Variants in LINGO2 observed in about 807,000 individuals in gnomAD.
LINGO2 encodes leucine rich repeat and Ig domain containing 2.
Under a neutral mutation model 30.6 loss-of-function variants are expected in LINGO2, and 14 were observed. The ratio of observed to expected loss-of-function variants is 0.46; its 90% confidence interval spans 0.30 to 0.72. LINGO2 has a LOEUF of 0.72. LINGO2 is among the 30% of genes least tolerant of loss of function. The pLI, the probability that LINGO2 is intolerant of heterozygous loss-of-function variation, is 0.07. For synonymous variants in LINGO2, 317 were observed against 288.5 expected (o/e 1.10, Z -1.00); for missense variants, 729 against 751.7 (o/e 0.97, Z 0.35).
chr9:28,541,825 C>T (rs1821711877), intron 1 of LINGO2, among the ~76,000 whole-genome samples: 1 of 152,080 alleles, frequency 6.6e-6, no homozygotes, highest in African/African-American at 2.4e-5. Flanking sequence ...AGAGCTGAAT[C>T]TTGATTAGAG....
Position 28,308,162 on chromosome 9 carries a change from G to C in LINGO2, c.-245-12796C>G, listed in dbSNP as rs373516215. ...AAAAGAACAAAGCTGGAGGCATCACGCTACCTGACTTCAAAGTATACTACA... is the reference window on the plus strand; with the variant it reads ...AAAAGAACAAAGCTGGAGGCATCACCCTACCTGACTTCAAAGTATACTACA... On this transcript the variant is annotated intron_variant, in intron 3 of 5. Coordinates refer to ENST00000379992, the Ensembl canonical transcript of LINGO2. 4.8e-4 allele frequency among the ~76,000 whole-genome samples: 58 copies of C among 121,234 alleles called. 5 individuals are homozygous for C. The highest frequency in any genetic ancestry group is 1.5e-3 in the African/African-American group (56 of 37,456). 79.5% of individuals were successfully genotyped at this position (121,234 alleles called of 152,430 possible). A position where few individuals can be genotyped will look rare whatever the true frequency, so the allele number is the denominator to read the frequency against.
At chr9:28,810,414 A>G in the LINGO2 span, among the ~76,000 whole-genome samples, 772 of 152,314 alleles carry the variant, frequency 5.1e-3, 8 homozygotes, top group African/African-American at 0.018. Context: ...AAACGAAGTT[A>G]TAAAATGATT....
chr9:29,116,550 T>C, the LINGO2 span, among the ~76,000 whole-genome samples: 13 of 152,156 alleles, frequency 8.5e-5, no homozygotes, highest in African/African-American at 3.1e-4. Context: ...ATCTTTACTT[T>C]AAAATGGTGA....
At chr9:28,215,642 T>C (rs545841934) in intron 4 of LINGO2, among the ~76,000 whole-genome samples, 2 of 150,624 alleles carry the variant, frequency 1.3e-5, no homozygotes, top group South Asian at 4.2e-4. Flanking sequence ...TCAAGGGTTG[T>C]GCATGTGTCT....
At chr9:28,062,016 C>T (rs10968320) in intron 4 of LINGO2, among the ~76,000 whole-genome samples, 35,899 of 151,962 alleles carry the variant, frequency 0.24, 4,496 homozygotes, top group East Asian at 0.41. Flanking sequence ...TAGAGGTATT[C>T]TGTCTCATTG....
At chr9:28,497,515 C>T (rs1038746009) in intron 1 of LINGO2, among the ~76,000 whole-genome samples, 3 of 152,170 alleles carry the variant, frequency 2.0e-5, no homozygotes, top group Non-Finnish European at 4.4e-5. Flanking sequence ...TTCATCAGGT[C>T]ATTTAAGAAC....
At chr9:28,489,674 A>G (rs1826310348) in intron 1 of LINGO2, among the ~76,000 whole-genome samples, 1 of 151,836 alleles carries the variant, frequency 6.6e-6, no homozygotes, top group Admixed American at 6.6e-5. Context: ...CGAGGCAGGC[A>G]GATTATGAGG....
At chr9:28,134,201 A>G (rs1031946764) in intron 4 of LINGO2, among the ~76,000 whole-genome samples, 3 of 152,150 alleles carry the variant, frequency 2.0e-5, no homozygotes, top group Non-Finnish European at 2.9e-5. Context: ...CTGCTTATAT[A>G]TATTCTTGTC....
At chr9:28,339,521 C>G (rs1825698158) in intron 3 of LINGO2, among the ~76,000 whole-genome samples, 1 of 151,902 alleles carries the variant, frequency 6.6e-6, no homozygotes, top group African/African-American at 2.4e-5. Flanking sequence ...TGCCTAAGTC[C>G]AGTAGTATGG....
At chr9:27,939,119 C>A in the LINGO2 span, 4 of 151,958 alleles carry the variant, frequency 2.6e-5, no homozygotes, top group African/African-American at 9.7e-5. Context: ...GTGTGATATG[C>A]ATAATCATCC....
At chr9:28,350,261 C>T (rs1384386911) in intron 3 of LINGO2, among the ~76,000 whole-genome samples, 9 of 138,714 alleles carry the variant, frequency 6.5e-5, no homozygotes, top group East Asian at 2.1e-4. Context: ...ACCCATCTCA[C>T]ATGCAGAGAC....
the LINGO2 span, among the ~76,000 whole-genome samples, chr9:28,962,005 T>G: frequency 6.6e-6 from 1 of 152,152 alleles, no homozygotes; most frequent in Non-Finnish European, 1.5e-5. Flanking sequence ...AGCTCTTATT[T>G]AATAAGCTTT....
rs1461767967 is a variant in LINGO2, at chr9:28,148,492, G to A, written c.-86-136087C>T. 2 of 1,446,496 alleles carry A rather than the reference G, an allele frequency of 1.4e-6. No individual in the cohort carries two copies. The highest frequency in any genetic ancestry group is 1.9e-6 in the Non-Finnish European group (2 of 1,066,760). 89.6% of individuals were successfully genotyped at this position (1,446,496 alleles called of 1,614,324 possible). A position where few individuals can be genotyped will look rare whatever the true frequency, so the allele number is the denominator to read the frequency against. On this transcript the variant is annotated intron_variant, in intron 4 of 5. Transcript: ENST00000379992. This position sits in a 1 kb window ranked among gnomAD's most constrained non-coding sequence, Gnocchi z 5.1. ...AGGTGACAGACCAGGTAGAGACCCAGGGGCAGGAGGACAATAAAAGGGGCC... is the reference window on the plus strand; with the variant it reads ...AGGTGACAGACCAGGTAGAGACCCAAGGGCAGGAGGACAATAAAAGGGGCC...
intron 4 of LINGO2, among the ~76,000 whole-genome samples, chr9:28,098,124 G>T (rs1839964): frequency 0.061 from 9,328 of 152,186 alleles, 437 homozygotes; most frequent in African/African-American, 0.13. Flanking sequence ...GACCAACATG[G>T]TGAAACTCCA....
chr9:28,173,425 G>GA (rs952962001), intron 4 of LINGO2, among the ~76,000 whole-genome samples: 2 of 152,112 alleles, frequency 1.3e-5, no homozygotes, highest in Non-Finnish European at 2.9e-5. Context: ...ATAACAGGAG[G>GA]AAAAAATTCA....
the LINGO2 span, among the ~76,000 whole-genome samples, chr9:29,079,826 C>T: frequency 1.3e-5 from 2 of 152,024 alleles, no homozygotes; most frequent in Non-Finnish European, 2.9e-5. Context: ...CAAGCAAGTG[C>T]TCAGCAGATA....
At chr9:28,430,493 C>T (rs1823619918) in intron 2 of LINGO2, among the ~76,000 whole-genome samples, 1 of 152,204 alleles carries the variant, frequency 6.6e-6, no homozygotes, top group African/African-American at 2.4e-5. Context: ...AGAATAATTT[C>T]TCTTTCATTC....
chr9:28,562,526 A>G (rs1329550776), intron 1 of LINGO2, among the ~76,000 whole-genome samples: 1 of 151,456 alleles, frequency 6.6e-6, no homozygotes, highest in East Asian at 1.9e-4. Flanking sequence ...CCAGGAAAGT[A>G]TATGTTTCCT....
At chr9:28,515,266 G>C (rs2135380498) in intron 1 of LINGO2, among the ~76,000 whole-genome samples, 1 of 150,238 alleles carries the variant, frequency 6.7e-6, no homozygotes, top group South Asian at 2.1e-4. Context: ...GACTGCAGTG[G>C]TGCAATCTCG....
Sources: allele counts gnomAD v4.1 joint callset (sites outside exome capture counted in the v4.1 genomes callset), GRCh38; gene constraint gnomAD v4.1.1; non-coding constraint Gnocchi (gnomAD v3.1); transcripts MANE v1.5; gene names NCBI Gene and HGNC (gene_info 2026-07-23, HGNC 2026-07-21).